TXNL4A: variants seen among roughly 807,000 people sequenced by gnomAD.
TXNL4A encodes thioredoxin like 4A.
A neutral mutation model predicts 14.6 loss-of-function variants in TXNL4A; 17 were observed. The ratio of observed to expected loss-of-function variants is 1.16; its 90% confidence interval spans 0.80 to 1.74. The LOEUF is 1.74. Ranked by LOEUF, TXNL4A falls within the 40% of genes most tolerant of loss-of-function variation. The pLI is 0.00. For synonymous variants in TXNL4A, 83 were observed against 70.6 expected (o/e 1.18, Z -0.88); for missense variants, 74 against 195.2 (o/e 0.38, Z 3.70).
chr18:79,976,876 A>G (rs1299148672), intron 2 of TXNL4A: 4 of 441,244 alleles, frequency 9.1e-6, no homozygotes, highest in Non-Finnish European at 1.8e-5. Flanking sequence ...ATAATCTTGT[A>G]TTTATAAGCA....
chr18:80,023,411 C>T (rs577594346), intron 1 of TXNL4A, among the ~76,000 whole-genome samples: 10 of 152,224 alleles, frequency 6.6e-5, no homozygotes, highest in South Asian at 6.2e-4. Flanking sequence ...TAGGTGGCGC[C>T]GTAGGGTTGC....
chr18:79,992,631 C>A (rs985475900), upstream of TXNL4A, among the ~76,000 whole-genome samples: 3 of 152,158 alleles, frequency 2.0e-5, no homozygotes, highest in African/African-American at 7.2e-5. Flanking sequence ...ACCTACACGC[C>A]TCCCCCATAT....
intron 1 of TXNL4A, among the ~76,000 whole-genome samples, chr18:80,021,414 T>C (rs1351230657): frequency 6.6e-6 from 1 of 152,132 alleles, no homozygotes; most frequent in Admixed American, 6.5e-5. Flanking sequence ...CCTGACCTCG[T>C]GATCTGCCCC....
chr18:79,978,046 C>A, intron 1 of TXNL4A: 1 of 195,140 alleles, frequency 5.1e-6, no homozygotes, highest in Non-Finnish European at 1.0e-5. Flanking sequence ...TGTGACACTA[C>A]TGGGACCTTG....
upstream of TXNL4A, among the ~76,000 whole-genome samples, chr18:79,992,417 G>A (rs1367430880): frequency 6.6e-6 from 1 of 152,154 alleles, no homozygotes; most frequent in Non-Finnish European, 1.5e-5. Flanking sequence ...TGTGTCTCTG[G>A]CAGTGGTGAG....
At chr18:79,981,318 G>A (rs957451411) in intron 1 of TXNL4A, among the ~76,000 whole-genome samples, 14 of 152,266 alleles carry the variant, frequency 9.2e-5, no homozygotes, top group African/African-American at 3.1e-4. Context: ...TTTCTTGCAC[G>A]TAAAAAATAG....
At chr18:80,015,724 G>C (rs1218841266) in intron 1 of TXNL4A, among the ~76,000 whole-genome samples, 4 of 150,582 alleles carry the variant, frequency 2.7e-5, no homozygotes, top group Non-Finnish European at 5.9e-5. Flanking sequence ...GTATTCCATG[G>C]TGTATATGTG....
At chr18:80,006,322 T>G (rs10164254) in intron 1 of TXNL4A, among the ~76,000 whole-genome samples, 41,416 of 151,804 alleles carry the variant, frequency 0.27, 6,826 homozygotes, top group East Asian at 0.71. Flanking sequence ...AGGCAGAGGT[T>G]GCAGTGAGCC....
intron 1 of TXNL4A, among the ~76,000 whole-genome samples, chr18:80,031,128 T>C (rs373836764): frequency 2.6e-5 from 4 of 152,186 alleles, no homozygotes; most frequent in African/African-American, 9.6e-5. Context: ...AATGGAATAA[T>C]GCAAACTTGG....
At chr18:80,008,455 TC>T (rs2051747220) in intron 1 of TXNL4A, among the ~76,000 whole-genome samples, 1 of 152,108 alleles carries the variant, frequency 6.6e-6, no homozygotes, top group African/African-American at 2.4e-5. Flanking sequence ...CCTTTTGTCA[TC>T]TTTTCTTCCC....
intron 1 of TXNL4A, among the ~76,000 whole-genome samples, chr18:80,007,848 G>C (rs1463756707): frequency 6.6e-6 from 1 of 152,158 alleles, no homozygotes; most frequent in Non-Finnish European, 1.5e-5. Context: ...CAGATGGCCT[G>C]TTTGATGGTC....
chr18:79,978,138 C>T (rs1032259279), intron 1 of TXNL4A, among the ~76,000 whole-genome samples: 4 of 152,162 alleles, frequency 2.6e-5, no homozygotes, highest in African/African-American at 4.8e-5. Flanking sequence ...CCTCACTTTA[C>T]CATCTCCCAG....
At chr18:80,029,043 T>C (rs1328599916) in intron 1 of TXNL4A, among the ~76,000 whole-genome samples, 4 of 152,076 alleles carry the variant, frequency 2.6e-5, no homozygotes, top group Non-Finnish European at 5.9e-5. Context: ...TAGAAACATG[T>C]TGAAAGAAAC....
intron 2 of TXNL4A, among the ~76,000 whole-genome samples, chr18:79,974,190 A>T (rs1599709401): frequency 6.6e-6 from 1 of 151,670 alleles, no homozygotes; most frequent in East Asian, 2.0e-4. Flanking sequence ...AGGCAGGAGG[A>T]TCACTTGAGG....
chr18:80,011,839 A>G lies in TXNL4A; in HGVS notation c.-61+22012T>C, dbSNP rs2051771843. 6.6e-6 allele frequency among the ~76,000 whole-genome samples: 1 copy of G among 152,074 alleles called. No individual in the cohort carries two copies. Among genetic ancestry groups the G allele is most frequent in the South Asian group, 2.1e-4 (1 of 4,818 alleles). Reference sequence around the variant, plus strand: ...GTTTACTCTCTATAAAGTTTGGATGAAGACATTTTTTAAAGATCTTAAGTA... The same window carrying G: ...GTTTACTCTCTATAAAGTTTGGATGGAGACATTTTTTAAAGATCTTAAGTA... On this transcript the variant is annotated intron_variant, in intron 1 of 2. Transcript: ENST00000585474. The surrounding 1 kb of genome is among the most constrained non-coding windows in gnomAD (Gnocchi z 4.1).
chr18:80,011,906 G>A lies in TXNL4A; in HGVS notation c.-61+21945C>T, dbSNP rs1018239613. Among the ~76,000 whole-genome samples, 1 of 152,008 alleles carries A rather than the reference G, an allele frequency of 6.6e-6. No homozygotes were observed. The highest frequency in any genetic ancestry group is 1.5e-5 in the Non-Finnish European group (1 of 68,014). On this transcript the variant is annotated intron_variant, in intron 1 of 2. Transcript: ENST00000585474. The surrounding 1 kb of genome is among the most constrained non-coding windows in gnomAD (Gnocchi z 4.1). ...TTGCTCGAGGAAATTCACAGAAACC[G>A]AGACTGCTAAACATCTTATTGAGTG... is the stretch of plus-strand genomic sequence containing the variant.
At chr18:80,023,364 C>A (rs961016601) in intron 1 of TXNL4A, among the ~76,000 whole-genome samples, 1 of 152,130 alleles carries the variant, frequency 6.6e-6, no homozygotes, top group Non-Finnish European at 1.5e-5. Flanking sequence ...GGGAAGAGGG[C>A]TGACAGGGCT....
chr18:79,988,826 C>T (rs2051600730), upstream of TXNL4A, among the ~76,000 whole-genome samples: 1 of 152,178 alleles, frequency 6.6e-6, no homozygotes, highest in Non-Finnish European at 1.5e-5. Context: ...GCCCCGAGGC[C>T]GCCCGCCGCC....
At chr18:79,999,085 G>A (rs1306733888) in intron 1 of TXNL4A, among the ~76,000 whole-genome samples, 4 of 152,118 alleles carry the variant, frequency 2.6e-5, no homozygotes, top group South Asian at 2.1e-4. Flanking sequence ...GCCCTGACCC[G>A]AGCTTGTCAA....
Sources: gnomAD v4.1 joint callset for allele counts (sites outside exome capture counted in the v4.1 genomes callset) on GRCh38, gnomAD v4.1.1 for gene constraint, Gnocchi (gnomAD v3.1) non-coding constraint, MANE v1.5 for transcripts, NCBI Gene and HGNC (gene_info 2026-07-23, HGNC 2026-07-21) for gene names.